Variants in CCND1 observed in about 807,000 individuals in gnomAD.
CCND1 encodes cyclin D1.
Under a neutral mutation model 26.1 loss-of-function variants are expected in CCND1, and 9 were observed. The ratio of observed to expected loss-of-function variants is 0.35; its 90% CI spans 0.21 to 0.60. CCND1 has a LOEUF of 0.60. CCND1 is among the 20% of genes least tolerant of loss of function. CCND1 has a pLI of 0.79. For synonymous variants in CCND1, 194 were observed against 166.1 expected, an observed-to-expected ratio of 1.17 and a Z score of -1.29; for missense variants, 335 against 392.9, an observed-to-expected ratio of 0.85 and a Z score of 1.25.
Position 69,654,428 on chromosome 11 carries a change from C to A in CCND1, c.*3146C>A. 1.5e-6 allele frequency: 1 copy of A among 679,228 alleles called. No homozygotes were observed. Among genetic ancestry groups the A allele is most frequent in the Admixed American group, 2.1e-5 (1 of 46,880 alleles). The allele number at this position is 679,228 out of a possible 1,614,324, so 42.1% of individuals were successfully genotyped here. A position where few individuals can be genotyped will look rare whatever the true frequency, so the allele number is the denominator to read the frequency against. ...TAACCGGCATGTTTCCAGCAGAAGA[C>A]AAAAAGACAAACATGAAAGTCTAGA... On this transcript the variant is annotated 3_prime_UTR_variant, in exon 5 of 5. Coordinates refer to ENST00000227507, the MANE Select transcript of CCND1 (RefSeq NM_053056.3). The surrounding 1 kb of genome is among the most constrained non-coding windows in gnomAD (Gnocchi z 6.3).
At chr11:69,646,038 A>G (rs1855773992) in intron 3 of CCND1, among the ~76,000 whole-genome samples, 1 of 152,268 alleles carries the variant, frequency 6.6e-6, no homozygotes, top group South Asian at 2.1e-4. Flanking sequence ...CTCCTAATCT[A>G]AGCACAGACA....
chr11:69,652,472 C>T lies in CCND1; in HGVS notation c.*1190C>T. On this transcript the variant is annotated 3_prime_UTR_variant, in exon 5 of 5. Transcript: ENST00000227507. ...GGTGGGGTGTTTGGGAGGCTGCGTG[C>T]CAGTCAAGAAGAAAAAGGTTTGCAT... 1 of 233,430 alleles carries T rather than the reference C, an allele frequency of 4.3e-6. No individual in the cohort carries two copies. Among genetic ancestry groups the T allele is most frequent in the South Asian group, 1.8e-4 (1 of 5,516 alleles). 14.5% of individuals were successfully genotyped at this position (233,430 alleles called of 1,614,324 possible). A position where few individuals can be genotyped will look rare whatever the true frequency, so the allele number is the denominator to read the frequency against.
In CCND1 at chr11:69,652,469, G is replaced by C; in HGVS notation, c.*1187G>C. 4.3e-6 allele frequency: 1 copy of C among 233,590 alleles called. No homozygotes were observed. The highest frequency in any genetic ancestry group is 8.5e-6 in the Non-Finnish European group (1 of 118,066). The allele number at this position is 233,590 out of a possible 1,614,324, so 14.5% of individuals were successfully genotyped here. ...GGAGGTGGGGTGTTTGGGAGGCTGC[G>C]TGCCAGTCAAGAAGAAAAAGGTTTG... On this transcript the variant is annotated 3_prime_UTR_variant, in exon 5 of 5. Transcript: ENST00000227507.
rs770021448 is a variant in CCND1, at chr11:69,651,206, C to T, written c.812C>T (p.Ala271Val). The T allele has an allele frequency of 6.2e-7, 1 of 1,606,352 alleles. No individual in the cohort carries two copies. Among genetic ancestry groups the T allele is most frequent in the Non-Finnish European group, 8.5e-7 (1 of 1,175,662 alleles). ...QAQQNMDPKAAEEEEEEEEEV... is the reference protein window; with the variant it reads ...QAQQNMDPKAVEEEEEEEEEV... ...CAGCAGAACATGGACCCCAAGGCCG[C>T]CGAGGAGGAGGAAGAGGAGGAGGAG... The change falls in exon 5 of 5, where the codon GCC becomes GTC. Residue 271 changes from alanine (A) to valine (V), a missense_variant. Ala to Val is a moderately conservative substitution (Grantham distance 64). Coordinates refer to ENST00000227507, the MANE Select transcript of CCND1 (RefSeq NM_053056.3).
intron 4 of CCND1, 43 bp downstream of exon 4, chr11:69,648,185 A>C (rs1262617521): frequency 6.2e-7 from 1 of 1,609,142 alleles, no homozygotes; most frequent in African/African-American, 1.3e-5. Flanking sequence ...CGGGGCTTAC[A>C]GGGGGAGACA....
chr11:69,647,133 A>G (rs1855792925), intron 3 of CCND1, among the ~76,000 whole-genome samples: 1 of 152,178 alleles, frequency 6.6e-6, no homozygotes, highest in African/African-American at 2.4e-5. Context: ...TAGGAACCCC[A>G]CACCTCTTCC....
rs2120079004 is a variant in CCND1, at chr11:69,641,257, G to A, written c.-57G>A. ...GCGGGGCAGCAGAAGCGAGAGCCGA[G>A]CGCGGACCCAGCCAGGACCCACAGC... On this transcript the variant is annotated 5_prime_UTR_variant, in exon 1 of 5. Coordinates refer to ENST00000227507, the MANE Select transcript of CCND1 (RefSeq NM_053056.3). The A allele has an allele frequency of 6.5e-7, 1 of 1,527,274 alleles. No homozygotes were observed. The highest frequency in any genetic ancestry group is 9.0e-7 in the Non-Finnish European group (1 of 1,113,924). 94.6% of individuals were successfully genotyped at this position (1,527,274 alleles called of 1,614,324 possible). A position where few individuals can be genotyped will look rare whatever the true frequency, so the allele number is the denominator to read the frequency against.
chr11:69,647,743 T>C (rs1855801979), intron 3 of CCND1, among the ~76,000 whole-genome samples: 1 of 152,208 alleles, frequency 6.6e-6, no homozygotes, highest in African/African-American at 2.4e-5. Context: ...TGGCTTTCTC[T>C]TTCCTTGGTT....
In CCND1 at chr11:69,651,643, TA is replaced by T; in HGVS notation, c.*363del. ...GTTTCTCTGTTGTAAGAATAGGCAT[TA>T]ACACAAAGGAGGCGTCTCGGGAGAG... On this transcript the variant is annotated 3_prime_UTR_variant, in exon 5 of 5. Transcript: ENST00000227507. The T allele has an allele frequency of 3.9e-6, 1 of 254,448 alleles. No individual in the cohort carries two copies. The highest frequency in any genetic ancestry group is 5.8e-5 in the East Asian group (1 of 17,350). The allele number at this position is 254,448 out of a possible 1,614,324, so 15.8% of individuals were successfully genotyped here. A position where few individuals can be genotyped will look rare whatever the true frequency, so the allele number is the denominator to read the frequency against.
Position 69,653,315 on chromosome 11 carries a change from T to G in CCND1, c.*2033T>G, listed in dbSNP as rs1343542350. On this transcript the variant is annotated 3_prime_UTR_variant, in exon 5 of 5. Coordinates refer to ENST00000227507, the MANE Select transcript of CCND1 (RefSeq NM_053056.3). ...TTCTGTGTATCTCTTTCACATTGTT[T>G]GCTGCTATTGGAGGATCAGTTTTTT... 1.4e-6 allele frequency: 1 copy of G among 702,990 alleles called. No homozygotes were observed. Among genetic ancestry groups the G allele is most frequent in the East Asian group, 2.7e-5 (1 of 37,298 alleles). The allele number at this position is 702,990 out of a possible 1,614,324, so 43.5% of individuals were successfully genotyped here. A position where few individuals can be genotyped will look rare whatever the true frequency, so the allele number is the denominator to read the frequency against.
chr11:69,643,301 G>A lies in CCND1; in HGVS notation c.414+55G>A, dbSNP rs773078314. The A allele has an allele frequency of 1.5e-5, 21 of 1,428,100 alleles. No individual in the cohort carries two copies. In the East Asian group the frequency reaches 4.8e-4, roughly 33 times the overall value. 88.5% of individuals were successfully genotyped at this position (1,428,100 alleles called of 1,614,324 possible). ...CCCCGCGAGCCGCACGCAGGACCAC[G>A]GGGCCGGGGAAGGTGCAGGCGGTGG... On this transcript the variant is annotated intron_variant, in intron 2 of 4. Transcript: ENST00000227507.
At chr11:69,646,585 G>GCCA (rs1855784595) in intron 3 of CCND1, among the ~76,000 whole-genome samples, 1 of 152,190 alleles carries the variant, frequency 6.6e-6, no homozygotes. Flanking sequence ...CGACAAAGAT[G>GCCA]CCACACTCAT....
chr11:69,651,598 G>A lies in CCND1; in HGVS notation c.*316G>A, dbSNP rs1364482937. On this transcript the variant is annotated 3_prime_UTR_variant, in exon 5 of 5. Transcript: ENST00000227507. ...GATTTTATACCCCAATAATCAACTC[G>A]TTTTTATATTAATGTACTTGTTTCT... 3.5e-6 allele frequency: 1 copy of A among 288,788 alleles called. No individual in the cohort carries two copies. The highest frequency in any genetic ancestry group is 5.2e-5 in the East Asian group (1 of 19,352). 17.9% of individuals were successfully genotyped at this position (288,788 alleles called of 1,614,324 possible).
At chr11:69,649,635 C>G (rs1360077794) in intron 4 of CCND1, among the ~76,000 whole-genome samples, 1 of 152,240 alleles carries the variant, frequency 6.6e-6, no homozygotes, top group Non-Finnish European at 1.5e-5. Context: ...AGCGTGCTGC[C>G]TTTTTGGAGC....
intron 2 of CCND1, chr11:69,643,448 G>T (rs1855736905): frequency 3.3e-5 from 16 of 484,058 alleles, no homozygotes; most frequent in Non-Finnish European, 5.7e-5. Flanking sequence ...GTGTGCGCTT[G>T]CCTGCGACTC....
rs772857967 is a variant in CCND1, at chr11:69,641,365, C to T, written c.52C>T (p.Pro18Ser). The T allele has an allele frequency of 2.5e-6, 4 of 1,613,262 alleles. No individual in the cohort carries two copies. The highest frequency in any genetic ancestry group is 1.7e-5 in the Admixed American group (1 of 60,028). ...AGTGGAAACCATCCGCCGCGCGTAC[C>T]CCGATGCCAACCTCCTCAACGACCG... is the stretch of plus-strand genomic sequence containing the variant. ...CEVETIRRAY[P>S]DANLLNDRVL... Residue 18 changes from proline to serine, a missense_variant, in exon 1 of 5, where the codon CCC becomes TCC. By Grantham distance (74) the Pro-to-Ser change is moderately conservative (BLOSUM62 -1). Coordinates refer to ENST00000227507, the MANE Select transcript of CCND1 (RefSeq NM_053056.3).
chr11:69,651,168 C>T lies in CCND1; in HGVS notation c.774C>T (p.Ser258=), dbSNP rs2120119968. 1 of 1,612,456 alleles carries T rather than the reference C, an allele frequency of 6.2e-7. No individual in the cohort carries two copies. The highest frequency in any genetic ancestry group is 8.5e-7 in the Non-Finnish European group (1 of 1,179,130). The change falls in exon 5 of 5, where the codon AGC becomes AGT. Residue 258 remains serine, a synonymous_variant. Coordinates refer to ENST00000227507, the MANE Select transcript of CCND1 (RefSeq NM_053056.3). Reference sequence around the variant, plus strand: ...AGATCGAAGCCCTGCTGGAGTCAAGCCTGCGCCAGGCCCAGCAGAACATGG... The same window carrying T: ...AGATCGAAGCCCTGCTGGAGTCAAGTCTGCGCCAGGCCCAGCAGAACATGG... The part of the protein sequence containing the change: ...QEQIEALLES[S]LRQAQQNMDP...
chr11:69,646,393 C>T (rs991515242), intron 3 of CCND1, among the ~76,000 whole-genome samples: 18 of 152,160 alleles, frequency 1.2e-4, no homozygotes, highest in Non-Finnish European at 2.4e-4. Flanking sequence ...CCCTCGCCGG[C>T]GGCCCTCTCT....
rs1420786830 is a variant in CCND1 at position 69,651,656 on chromosome 11, G to A, written c.*374G>A. The A allele has an allele frequency of 4.0e-6, 1 of 248,478 alleles. No homozygotes were observed. The highest frequency in any genetic ancestry group is 2.2e-5 in the African/African-American group (1 of 45,866). 15.4% of individuals were successfully genotyped at this position (248,478 alleles called of 1,614,324 possible). On this transcript the variant is annotated 3_prime_UTR_variant, in exon 5 of 5. Coordinates refer to ENST00000227507, the MANE Select transcript of CCND1 (RefSeq NM_053056.3). Reference sequence around the variant, plus strand: ...AAGAATAGGCATTAACACAAAGGAGGCGTCTCGGGAGAGGATTAGGTTCCA... The same window carrying A: ...AAGAATAGGCATTAACACAAAGGAGACGTCTCGGGAGAGGATTAGGTTCCA...
Sources: gnomAD v4.1 joint callset for allele counts (sites outside exome capture counted in the v4.1 genomes callset) on GRCh38, gnomAD v4.1.1 for gene constraint, Gnocchi (gnomAD v3.1) non-coding constraint, MANE v1.5 for transcripts, NCBI Gene and HGNC (gene_info 2026-07-23, HGNC 2026-07-21) for gene names.